LMAN2L: variants seen among roughly 807,000 people sequenced by gnomAD.
The protein encoded by LMAN2L is lectin, mannose binding 2 like, also known as VIP36-like protein.
Under a neutral mutation model 44.3 loss-of-function variants are expected in LMAN2L, and 30 were observed. The observed-to-expected ratio is 0.68, with a 90% CI of 0.51 to 0.92. The LOEUF (loss-of-function observed/expected upper bound fraction) is 0.92. Among genes scored for constraint, LMAN2L ranks in the 40% least tolerant of loss-of-function variants. LMAN2L has a pLI of 0.00. For synonymous variants in LMAN2L, 183 were observed against 171.1 expected, an observed-to-expected ratio of 1.07 and a Z score of -0.54; for missense variants, 429 against 446.1, an observed-to-expected ratio of 0.96 and a Z score of 0.35.
chr2:96,717,088 ATAAC>A (rs1035908138), intron 4 of LMAN2L, among the ~76,000 whole-genome samples: 34 of 152,230 alleles, frequency 2.2e-4, no homozygotes, highest in African/African-American at 7.7e-4. Flanking sequence ...GCTACATAAA[ATAAC>A]TTTTTTTTTT....
At chr2:96,730,981 C>T (rs2078383258) in intron 4 of LMAN2L, among the ~76,000 whole-genome samples, 1 of 152,090 alleles carries the variant, frequency 6.6e-6, no homozygotes, top group South Asian at 2.1e-4. Flanking sequence ...CCTCATCATC[C>T]CCTCTCTTAA....
intron 3 of LMAN2L, 69 bp from the exon 4 acceptor site, chr2:96,733,670 T>C: frequency 7.9e-7 from 1 of 1,263,850 alleles, no homozygotes; most frequent in South Asian, 1.2e-5. Flanking sequence ...AATATATCAC[T>C]ATGATGGAGG....
chr2:96,729,348 A>G (rs1450790222), intron 4 of LMAN2L, among the ~76,000 whole-genome samples: 2 of 152,084 alleles, frequency 1.3e-5, no homozygotes, highest in Non-Finnish European at 2.9e-5. Flanking sequence ...ATCGACTATT[A>G]CCTTGAAACA....
intron 6 of LMAN2L, 101 bp from the exon 7 acceptor site, chr2:96,707,934 G>T: frequency 8.3e-7 from 1 of 1,201,540 alleles, no homozygotes; most frequent in Non-Finnish European, 1.2e-6. Context: ...CAGCTAACCA[G>T]CAGTGACCTT....
chr2:96,735,837 CAAAA>C (rs569948329), intron 2 of LMAN2L, among the ~76,000 whole-genome samples: 1 of 106,312 alleles, frequency 9.4e-6, no homozygotes. Flanking sequence ...GACTCCATCT[CAAAA>C]AAAAAAAAAA....
rs775322540 is a variant in LMAN2L at position 96,711,675 on chromosome 2, G to A, written c.765C>T (p.Ser255=). Residue 255 remains serine (S), a synonymous_variant, in exon 6 of 8, where the codon TCC becomes TCT. Transcript: ENST00000264963. ...CAGTACCTGAGAGATCCCCAGTGAT[G>A]GAGGAGGTGCCGAAGTAGTAGCCGC... ...LPRGYYFGTS[S]ITGDLSDNHD... is the part of the protein sequence containing the mutation. The A allele has an allele frequency of 2.5e-6, 4 of 1,613,290 alleles. No individual in the cohort carries two copies. The highest frequency in any genetic ancestry group is 2.5e-6 in the Non-Finnish European group (3 of 1,179,452).
intron 4 of LMAN2L, among the ~76,000 whole-genome samples, chr2:96,718,795 A>T (rs2153325302): frequency 6.6e-6 from 1 of 152,262 alleles, no homozygotes; most frequent in Non-Finnish European, 1.5e-5. Context: ...CTTGCTCTGT[A>T]AGCCCCCAGA....
chr2:96,726,667 C>T (rs1286399811), intron 4 of LMAN2L, among the ~76,000 whole-genome samples: 3 of 151,866 alleles, frequency 2.0e-5, no homozygotes, highest in Non-Finnish European at 4.4e-5. Context: ...GCCTGTAATC[C>T]CAGCTGCTCA....
chr2:96,710,490 A>G (rs1489898730), intron 6 of LMAN2L, among the ~76,000 whole-genome samples: 2 of 152,052 alleles, frequency 1.3e-5, no homozygotes, highest in Non-Finnish European at 2.9e-5. Context: ...ACATGGTGAA[A>G]CCCCGTTTCT....
chr2:96,713,496 G>A (rs921277644), intron 4 of LMAN2L, among the ~76,000 whole-genome samples: 2 of 152,132 alleles, frequency 1.3e-5, no homozygotes, highest in Non-Finnish European at 2.9e-5. Flanking sequence ...GTCCAGGCAC[G>A]CCGCACTTAT....
At chr2:96,738,509 T>C (rs1348887020) in intron 1 of LMAN2L, among the ~76,000 whole-genome samples, 1 of 151,752 alleles carries the variant, frequency 6.6e-6, no homozygotes, top group Non-Finnish European at 1.5e-5. Context: ...AAAGACCCTG[T>C]CTTTACCAAA....
chr2:96,710,679 T>A (rs1181516213), intron 6 of LMAN2L, among the ~76,000 whole-genome samples: 2 of 151,732 alleles, frequency 1.3e-5, no homozygotes, highest in Non-Finnish European at 2.9e-5. Flanking sequence ...TAAAAAAAAA[T>A]CCAGAATTCC....
Position 96,707,800 on chromosome 2 carries a change from TCAAA to T in LMAN2L, c.814_817del (p.Phe272AsnfsTer2). 3 of 1,613,830 alleles carry T rather than the reference TCAAA, an allele frequency of 1.9e-6. No homozygotes were observed. Among genetic ancestry groups the T allele is most frequent in the Non-Finnish European group, 2.5e-6 (3 of 1,179,802 alleles). ...TTCTGGGGTTCTCTCCACTGTCAGT[TCAAA>T]CAACTTCAAGGAAATGACATCATGA... On this transcript the variant is annotated frameshift_variant, in exon 7 of 8. Transcript: ENST00000264963. LOFTEE classifies it high-confidence loss of function.
rs116646977 is a variant in LMAN2L at position 96,737,378 on chromosome 2, G to A, written c.306+571C>T. On this transcript the variant is annotated intron_variant, in intron 2 of 7. Coordinates refer to ENST00000264963, the MANE Select transcript of LMAN2L (RefSeq NM_030805.4). ...TTTAAGAGTACTCTCAACCAGGACC[G>A]GTGGCTCACACCTATAATCCCTGAC... is the stretch of plus-strand genomic sequence containing the variant. Among the ~76,000 whole-genome samples the A allele has an allele frequency of 3.5e-3, 532 of 152,338 alleles. 3 individuals carry two copies. The highest frequency in any genetic ancestry group is 0.012 in the African/African-American group (496 of 41,564).
chr2:96,733,262 GCTAT>G (rs1238588198), intron 4 of LMAN2L, among the ~76,000 whole-genome samples: 1 of 152,126 alleles, frequency 6.6e-6, no homozygotes. Context: ...AATTTTAGTG[GCTAT>G]CTAATAGGCA....
chr2:96,732,955 G>A (rs190421442), intron 4 of LMAN2L, among the ~76,000 whole-genome samples: 2 of 151,948 alleles, frequency 1.3e-5, no homozygotes, highest in Non-Finnish European at 2.9e-5. Flanking sequence ...CACCATGTTG[G>A]CAAAGCTGGT....
At chr2:96,724,742 G>A (rs2078231564) in intron 4 of LMAN2L, among the ~76,000 whole-genome samples, 1 of 152,146 alleles carries the variant, frequency 6.6e-6, no homozygotes, top group Admixed American at 6.6e-5. Flanking sequence ...CGCCTCCCAG[G>A]TTCAAGCAAT....
intron 1 of LMAN2L, among the ~76,000 whole-genome samples, chr2:96,739,346 T>C (rs965040309): frequency 3.9e-5 from 6 of 152,228 alleles, no homozygotes; most frequent in Admixed American, 3.9e-4. Flanking sequence ...TTCTGGCTGA[T>C]AAGCTGTGCT....
Position 96,708,681 on chromosome 2 carries a change from C to T in LMAN2L, c.785-848G>A, listed in dbSNP as rs1263472057. ...GTACAACAGGAAAAGGTCTCATGGC[C>T]GCTGTTTAATGGGCCATGGGCAGGG... On this transcript the variant is annotated intron_variant, in intron 6 of 7. Coordinates refer to ENST00000264963, the MANE Select transcript of LMAN2L (RefSeq NM_030805.4). Among the ~76,000 whole-genome samples, 4 of 152,192 alleles carry T rather than the reference C, an allele frequency of 2.6e-5. 1 individual carries two copies. The highest frequency in any genetic ancestry group is 4.2e-4 in the South Asian group (2 of 4,812).
Sources: allele counts gnomAD v4.1 joint callset (sites outside exome capture counted in the v4.1 genomes callset), GRCh38; gene constraint gnomAD v4.1.1; transcripts MANE v1.5; gene names NCBI Gene and HGNC (gene_info 2026-07-23, HGNC 2026-07-21).